The following SLC24A2 variants were observed in gnomAD, a reference collection of about 807,000 sequenced individuals.
SLC24A2 encodes solute carrier family 24 member 2.
SLC24A2 carries 36 observed loss-of-function variants against 62.0 expected under a neutral mutation model. That is an observed-to-expected ratio of 0.58 (90% CI 0.44 to 0.77). SLC24A2 has a LOEUF of 0.77. SLC24A2 is among the 30% of genes least tolerant of loss of function. SLC24A2 has a pLI of 0.00. For missense variants in SLC24A2, 846 were observed against 817.9 expected (o/e 1.03, Z -0.42); for synonymous variants, 358 against 294.0 (o/e 1.22, Z -2.23).
the SLC24A2 span, among the ~76,000 whole-genome samples, chr9:19,972,609 G>A: frequency 1.1e-4 from 16 of 152,106 alleles, no homozygotes; most frequent in African/African-American, 3.6e-4. Flanking sequence ...AAAAGTGGCT[G>A]TTTAGAAGCT....
At chr9:19,733,217 C>T (rs1821391714) in intron 2 of SLC24A2, among the ~76,000 whole-genome samples, 1 of 152,020 alleles carries the variant, frequency 6.6e-6, no homozygotes, top group Non-Finnish European at 1.5e-5. Flanking sequence ...AATTCAGAGG[C>T]TCTGGATTTA....
the SLC24A2 span, among the ~76,000 whole-genome samples, chr9:19,804,820 A>T: frequency 6.6e-6 from 1 of 152,052 alleles, no homozygotes; most frequent in Non-Finnish European, 1.5e-5. Context: ...TAGTTTGTTG[A>T]GTGTTTTAAT....
At chr9:19,822,779 A>C in the SLC24A2 span, among the ~76,000 whole-genome samples, 2 of 152,186 alleles carry the variant, frequency 1.3e-5, no homozygotes, top group African/African-American at 4.8e-5. Context: ...CACAGAATGT[A>C]AGGGAGTGCT....
chr9:19,773,902 G>A (rs1822765167), intron 2 of SLC24A2, among the ~76,000 whole-genome samples: 1 of 152,176 alleles, frequency 6.6e-6, no homozygotes, highest in African/African-American at 2.4e-5. Flanking sequence ...TCAGAGATAG[G>A]GAACTATTTC....
At chr9:20,258,550 T>C in the SLC24A2 span, among the ~76,000 whole-genome samples, 1 of 152,166 alleles carries the variant, frequency 6.6e-6, no homozygotes, top group African/African-American at 2.4e-5. Context: ...TCTTCTCCTG[T>C]CCTCAGACGT....
At chr9:20,011,258 C>A in the SLC24A2 span, among the ~76,000 whole-genome samples, 1 of 152,136 alleles carries the variant, frequency 6.6e-6, no homozygotes, top group Non-Finnish European at 1.5e-5. Context: ...TCTCCACATC[C>A]TCTCCAGCAT....
intron 2 of SLC24A2, among the ~76,000 whole-genome samples, chr9:19,720,718 T>C (rs1481082680): frequency 1.5e-5 from 2 of 129,052 alleles, no homozygotes; most frequent in Non-Finnish European, 3.2e-5. Flanking sequence ...ATCACCTTGA[T>C]GTGGCTCAAG....
the SLC24A2 span, among the ~76,000 whole-genome samples, chr9:20,018,753 C>T: frequency 1.3e-5 from 2 of 151,922 alleles, no homozygotes; most frequent in African/African-American, 4.8e-5. Flanking sequence ...ATTATTATTA[C>T]TATTTTATAC....
At chr9:19,858,578 A>C in the SLC24A2 span, among the ~76,000 whole-genome samples, 1 of 152,244 alleles carries the variant, frequency 6.6e-6, no homozygotes, top group Non-Finnish European at 1.5e-5. Flanking sequence ...GAATGGGAGA[A>C]AATATCTGCA....
At chr9:19,838,118 C>A in the SLC24A2 span, among the ~76,000 whole-genome samples, 76 of 152,192 alleles carry the variant, frequency 5.0e-4, no homozygotes, top group South Asian at 0.015. Context: ...CAAGTCAATC[C>A]GAAGCCTAAA....
chr9:19,968,885 A>G, the SLC24A2 span, among the ~76,000 whole-genome samples: 2 of 152,330 alleles, frequency 1.3e-5, no homozygotes, highest in African/African-American at 4.8e-5. Context: ...GGAGAAAAGA[A>G]ATACTTGGGA....
At chr9:19,708,106 C>T (rs1298395743) in intron 2 of SLC24A2, among the ~76,000 whole-genome samples, 1 of 152,022 alleles carries the variant, frequency 6.6e-6, no homozygotes, top group African/African-American at 2.4e-5. Flanking sequence ...TCTTATATAC[C>T]AATAACAGAC....
At chr9:19,597,394 C>T (rs1161308668) in intron 4 of SLC24A2, 115 bp from the exon 5 acceptor site, 8 of 776,278 alleles carry the variant, frequency 1.0e-5, no homozygotes, top group South Asian at 5.7e-5. Flanking sequence ...ATTTTGCAAT[C>T]GTAACTATAT....
At chr9:19,666,724 A>T (rs1320039012) in intron 2 of SLC24A2, among the ~76,000 whole-genome samples, 1 of 152,144 alleles carries the variant, frequency 6.6e-6, no homozygotes, top group Non-Finnish European at 1.5e-5. Flanking sequence ...TCCCCTGTCT[A>T]AAGGGCTACT....
chr9:20,042,898 C>T, the SLC24A2 span, among the ~76,000 whole-genome samples: 1 of 152,172 alleles, frequency 6.6e-6, no homozygotes, highest in African/African-American at 2.4e-5. Context: ...ACAAGCCATG[C>T]CCATGTAAGA....
At chr9:20,237,075 T>C in the SLC24A2 span, among the ~76,000 whole-genome samples, 1 of 152,218 alleles carries the variant, frequency 6.6e-6, no homozygotes, top group South Asian at 2.1e-4. Flanking sequence ...CAAAAGAGCA[T>C]CTAATCTGGG....
chr9:19,882,158 G>A, the SLC24A2 span, among the ~76,000 whole-genome samples: 101,862 of 151,986 alleles, frequency 0.67, 34,969 homozygotes, highest in South Asian at 0.76. Context: ...GAATATTTTA[G>A]AGGCTGCTGT....
chr9:20,293,872 TCCA>T, the SLC24A2 span, among the ~76,000 whole-genome samples: 1 of 152,050 alleles, frequency 6.6e-6, no homozygotes, highest in Non-Finnish European at 1.5e-5. Context: ...CAGAGATCAG[TCCA>T]TTTAACTTCA....
chr9:19,668,251 C>G (rs1331574652), intron 2 of SLC24A2, among the ~76,000 whole-genome samples: 1 of 152,144 alleles, frequency 6.6e-6, no homozygotes, highest in Non-Finnish European at 1.5e-5. Flanking sequence ...CTCTTCTTAT[C>G]TTTGTCTTAT....
Sources: gnomAD v4.1 joint callset for allele counts (sites outside exome capture counted in the v4.1 genomes callset) on GRCh38, gnomAD v4.1.1 for gene constraint, MANE v1.5 for transcripts, NCBI Gene and HGNC (gene_info 2026-07-23, HGNC 2026-07-21) for gene names.